WWOX: variants seen among roughly 807,000 people sequenced by gnomAD.
WWOX encodes WW domain containing oxidoreductase, also known as WW domain-containing oxidoreductase.
WWOX carries 69 observed loss-of-function variants against 46.2 expected under a neutral mutation model. The observed-to-expected ratio is 1.49, with a 90% CI of 1.23 to 1.82. WWOX has a LOEUF of 1.82. Among genes scored for constraint, WWOX ranks in the 40% most tolerant of loss-of-function variants. The probability of loss-of-function intolerance (pLI) is 0.00; values close to 1 mark genes in which losing one functional copy is unlikely to be tolerated. For missense variants in WWOX, 919 were observed against 542.6 expected (o/e 1.69, Z -6.89); for synonymous variants, 359 against 202.6 (o/e 1.77, Z -6.56).
At chr16:78,985,018 A>G (rs911917195) in intron 8 of WWOX, among the ~76,000 whole-genome samples, 2 of 151,850 alleles carry the variant, frequency 1.3e-5, no homozygotes, top group African/African-American at 4.8e-5. Context: ...GCCCAGCTCC[A>G]AGTGTTGCTG....
At chr16:78,604,231 T>C (rs1403060411) in intron 8 of WWOX, among the ~76,000 whole-genome samples, 2 of 152,196 alleles carry the variant, frequency 1.3e-5, no homozygotes, top group Non-Finnish European at 2.9e-5. Flanking sequence ...TGTTTACATG[T>C]ACTCCAAATG....
intron 8 of WWOX, among the ~76,000 whole-genome samples, chr16:78,757,931 G>C (rs949526158): frequency 2.6e-5 from 4 of 151,984 alleles, no homozygotes; most frequent in Admixed American, 6.6e-5. Flanking sequence ...TTGGAGATTA[G>C]GGTTTCCAAA....
chr16:78,813,214 G>A (rs1378678491), intron 8 of WWOX, among the ~76,000 whole-genome samples: 1 of 151,466 alleles, frequency 6.6e-6, no homozygotes, highest in African/African-American at 2.4e-5. Flanking sequence ...TGCTATCATA[G>A]CGTTACCTAC....
At chr16:78,178,505 G>A (rs2035421881) in intron 5 of WWOX, among the ~76,000 whole-genome samples, 1 of 152,120 alleles carries the variant, frequency 6.6e-6, no homozygotes, top group Non-Finnish European at 1.5e-5. Context: ...GGCACTTTAG[G>A]AGTAGGAATA....
At position 78,961,848 on chromosome 16, in the gene WWOX, G is replaced by A. The variant is rs189412385; in HGVS notation, c.1057-249760G>A. On this transcript the variant is annotated intron_variant, in intron 8 of 8. Transcript: ENST00000566780. ...TCTCTATTTCTGCTACATCTTCCATGAAGTTGATTTTGCAGAAATCATTCT... is the reference window on the plus strand; with the variant it reads ...TCTCTATTTCTGCTACATCTTCCATAAAGTTGATTTTGCAGAAATCATTCT... 2.2e-3 allele frequency among the ~76,000 whole-genome samples: 335 copies of A among 152,264 alleles called. 2 individuals are homozygous for A. The highest frequency in any genetic ancestry group is 3.6e-3 in the Non-Finnish European group (246 of 68,012).
rs550890154 is a variant in WWOX, at chr16:78,342,977, G to A, written c.517-43883G>A. ...TAGGCCCTTGCAGATGACAATAAAG[G>A]TATTTTGGCACATAAAAAAACTGCT... On this transcript the variant is annotated intron_variant, in intron 5 of 8. Transcript: ENST00000566780. 4.1e-5 allele frequency among the ~76,000 whole-genome samples: 5 copies of A among 120,800 alleles called. 1 individual carries two copies. The highest frequency in any genetic ancestry group is 1.4e-4 in the African/African-American group (5 of 35,654). The allele number at this position is 120,800 out of a possible 152,430, so 79.2% of individuals were successfully genotyped here. A position where few individuals can be genotyped will look rare whatever the true frequency, so the allele number is the denominator to read the frequency against.
At chr16:78,498,229 C>T (rs990133203) in intron 8 of WWOX, among the ~76,000 whole-genome samples, 6 of 99,134 alleles carry the variant, frequency 6.1e-5, no homozygotes, top group African/African-American at 1.9e-4. Context: ...GAAAAAAAAG[C>T]ATCAGGGTTG....
chr16:79,165,829 C>T (rs1043590735), intron 8 of WWOX, among the ~76,000 whole-genome samples: 4 of 152,140 alleles, frequency 2.6e-5, no homozygotes, highest in Non-Finnish European at 5.9e-5. Context: ...ATCCCTCACT[C>T]GGTCGCCGAA....
intron 8 of WWOX, among the ~76,000 whole-genome samples, chr16:78,603,781 A>C (rs536114461): frequency 3.9e-5 from 6 of 152,308 alleles, no homozygotes; most frequent in African/African-American, 1.4e-4. Context: ...TAGTTGGAAC[A>C]AGTGGGGTGG....
chr16:78,351,445 G>A (rs987572734), intron 5 of WWOX, among the ~76,000 whole-genome samples: 1 of 152,200 alleles, frequency 6.6e-6, no homozygotes, highest in Non-Finnish European at 1.5e-5. Flanking sequence ...GGCCCCCAGG[G>A]ATGGGGTGAG....
intron 8 of WWOX, among the ~76,000 whole-genome samples, chr16:78,917,232 G>A (rs904113371): frequency 1.3e-5 from 2 of 152,174 alleles, no homozygotes; most frequent in African/African-American, 2.4e-5. Context: ...TGTTACTGCA[G>A]ACCTCCCAAA....
intron 8 of WWOX, among the ~76,000 whole-genome samples, chr16:79,160,855 C>T (rs566919631): frequency 4.7e-5 from 7 of 149,832 alleles, no homozygotes; most frequent in African/African-American, 1.5e-4. Context: ...TGTACGTATA[C>T]ACGCACACAT....
chr16:78,569,317 C>G (rs2044655706), intron 8 of WWOX, among the ~76,000 whole-genome samples: 2 of 152,078 alleles, frequency 1.3e-5, no homozygotes, highest in African/African-American at 2.4e-5. Context: ...TATAAAATGT[C>G]CTATTTCATA....
At chr16:79,037,425 G>A (rs1455751684) in intron 8 of WWOX, among the ~76,000 whole-genome samples, 2 of 152,180 alleles carry the variant, frequency 1.3e-5, no homozygotes, top group Non-Finnish European at 2.9e-5. Context: ...GATGCTGTAT[G>A]CTGGGTACTA....
chr16:78,782,503 A>C (rs917375890), intron 8 of WWOX, among the ~76,000 whole-genome samples: 1 of 152,202 alleles, frequency 6.6e-6, no homozygotes, highest in Non-Finnish European at 1.5e-5. Context: ...AGGAAAAATC[A>C]TCCAAACTAC....
chr16:78,908,517 G>T (rs965807443), intron 8 of WWOX, among the ~76,000 whole-genome samples: 5 of 145,142 alleles, frequency 3.4e-5, no homozygotes, highest in African/African-American at 1.3e-4. Flanking sequence ...TCCAGCCTGG[G>T]CGACAGACTG....
rs757195574 is a variant in WWOX, at chr16:78,263,996, C to CTTTTTTTTTTTTTTTTTTTTTTTTTTT, written c.516+99726_516+99727insTTTTTTTTTTTTTTTTTTTTTTTTTTT. Among the ~76,000 whole-genome samples, 39 of 78,818 alleles carry CTTTTTTTTTTTTTTTTTTTTTTTTTTT rather than the reference C, an allele frequency of 4.9e-4. 9 individuals are homozygous for CTTTTTTTTTTTTTTTTTTTTTTTTTTT. The highest frequency in any genetic ancestry group is 6.4e-4 in the Non-Finnish European group (29 of 45,534). 51.7% of individuals were successfully genotyped at this position (78,818 alleles called of 152,430 possible). A position where few individuals can be genotyped will look rare whatever the true frequency, so the allele number is the denominator to read the frequency against. ...AGAAATATGTGTTTGGCTGTGAAAT[C>CTTTTTTTTTTTTTTTTTTTTTTTTTTT]TTTTTTTTTTTTTTTTTTTGTTTTT... On this transcript the variant is annotated intron_variant, in intron 5 of 8. Coordinates refer to ENST00000566780, the MANE Select transcript of WWOX (RefSeq NM_016373.4).
intron 5 of WWOX, among the ~76,000 whole-genome samples, chr16:78,217,041 C>T (rs527410180): frequency 1.3e-5 from 2 of 152,292 alleles, no homozygotes; most frequent in Admixed American, 6.5e-5. Flanking sequence ...TATTTTAATG[C>T]GAGGTAATTA....
At chr16:78,353,478 T>C (rs1177099597) in intron 5 of WWOX, among the ~76,000 whole-genome samples, 1 of 152,204 alleles carries the variant, frequency 6.6e-6, no homozygotes, top group African/African-American at 2.4e-5. Context: ...CTGTAAGATG[T>C]TCAATACGTA....
Sources: gnomAD v4.1 joint callset for allele counts (sites outside exome capture counted in the v4.1 genomes callset) on GRCh38, gnomAD v4.1.1 for gene constraint, MANE v1.5 for transcripts, NCBI Gene and HGNC (gene_info 2026-07-23, HGNC 2026-07-21) for gene names.